FYB2: variants seen among roughly 807,000 people sequenced by gnomAD.
FYB2 encodes the protein FYN-binding protein 2.
In FYB2, 103 loss-of-function variants were observed where a neutral mutation model predicts 94.1. The observed-to-expected ratio is 1.09, with a 90% CI of 0.93 to 1.29. The LOEUF is 1.29. Among genes scored for constraint, FYB2 ranks in the 50% most tolerant of loss-of-function variants. The pLI, the probability that FYB2 is intolerant of heterozygous loss-of-function variation, is 0.00. For synonymous variants in FYB2, 293 were observed against 287.9 expected (o/e 1.02, Z -0.18); for missense variants, 896 against 841.5 (o/e 1.06, Z -0.80).
At chr1:56,732,296 G>T (rs1206772252) in intron 15 of FYB2, among the ~76,000 whole-genome samples, 1 of 152,000 alleles carries the variant, frequency 6.6e-6, no homozygotes, top group East Asian at 1.9e-4. Flanking sequence ...CTTCTACAAA[G>T]AAAATGACAC....
intron 4 of FYB2, among the ~76,000 whole-genome samples, chr1:56,782,643 AT>A (rs1240777949): frequency 9.9e-5 from 15 of 152,164 alleles, no homozygotes; most frequent in African/African-American, 3.4e-4. Context: ...TCAGCTTTTA[AT>A]AAAAGCTGAT....
chr1:56,759,836 A>T (rs1460540741), intron 5 of FYB2, among the ~76,000 whole-genome samples: 1 of 152,134 alleles, frequency 6.6e-6, no homozygotes, highest in African/African-American at 2.4e-5. Context: ...TAATCCCAGC[A>T]CTTAGGGAGG....
chr1:56,796,855 C>T (rs958059673), intron 1 of FYB2, among the ~76,000 whole-genome samples: 2 of 152,128 alleles, frequency 1.3e-5, no homozygotes, highest in African/African-American at 4.8e-5. Context: ...CATTCCTGCT[C>T]GTTCAAAATT....
At chr1:56,781,581 A>C (rs961585163) in intron 4 of FYB2, among the ~76,000 whole-genome samples, 1 of 152,180 alleles carries the variant, frequency 6.6e-6, no homozygotes, top group Admixed American at 6.5e-5. Flanking sequence ...GTGTGTTGCT[A>C]GTTTTACAGT....
rs1466551827 is a variant in FYB2 at position 56,767,941 on chromosome 1, G to A, written c.954-3C>T. 1 of 1,557,066 alleles carries A rather than the reference G, an allele frequency of 6.4e-7. No individual in the cohort carries two copies. Among genetic ancestry groups the A allele is most frequent in the African/African-American group, 1.4e-5 (1 of 71,996 alleles). ...CTTCAAATTCTGCATTGAAAAGCCT[G>A]GAGAAAAAAGGGTTACTTAAAATGT... On this transcript the variant is annotated splice_polypyrimidine_tract_variant and splice_region_variant and intron_variant, in intron 4 of 19. Transcript: ENST00000343433.
chr1:56,813,912 C>T (rs1646823527), intron 1 of FYB2, among the ~76,000 whole-genome samples: 2 of 152,118 alleles, frequency 1.3e-5, no homozygotes, highest in Admixed American at 1.3e-4. Context: ...AAATGTAAAC[C>T]AGTCATGCTG....
rs1263900541 is a variant in FYB2, at chr1:56,789,103, A to G, written c.789T>C (p.Leu263=). ...EKQPDVRHHH[L]PKTKPLPSID... is the part of the protein sequence containing the mutation. ...TGGAGGGCAATGGCTTTGTTTTGGG[A>G]AGGTGGTGATGCCTGACATCTGGCT... The change falls in exon 3 of 20, where the codon CTT becomes CTC. Residue 263 remains leucine, a synonymous_variant. Coordinates refer to ENST00000343433, the MANE Select transcript of FYB2 (RefSeq NM_001004303.5). 3 of 1,606,190 alleles carry G rather than the reference A, an allele frequency of 1.9e-6. No individual in the cohort carries two copies. Among genetic ancestry groups the G allele is most frequent in the Non-Finnish European group, 2.6e-6 (3 of 1,176,270 alleles).
At chr1:56,756,026 G>A (rs1316454328) in intron 6 of FYB2, 99 bp from the exon 7 acceptor site, 32 of 1,167,002 alleles carry the variant, frequency 2.7e-5, no homozygotes, top group South Asian at 1.3e-5. Context: ...AAAGGTGAGG[G>A]GGATGAAGCC....
intron 15 of FYB2, among the ~76,000 whole-genome samples, chr1:56,734,498 TC>T (rs1200904877): frequency 2.0e-5 from 3 of 152,226 alleles, no homozygotes; most frequent in African/African-American, 7.2e-5. Flanking sequence ...AAGGATGAGT[TC>T]ATGTCCTTTG....
chr1:56,771,771 T>G (rs1370418004), intron 4 of FYB2, among the ~76,000 whole-genome samples: 1 of 152,174 alleles, frequency 6.6e-6, no homozygotes, highest in African/African-American at 2.4e-5. Context: ...GTAGTCTTCC[T>G]GATTTTTCAT....
intron 5 of FYB2, among the ~76,000 whole-genome samples, chr1:56,765,272 C>T (rs1290079577): frequency 2.0e-5 from 3 of 152,298 alleles, no homozygotes; most frequent in East Asian, 1.9e-4. Flanking sequence ...ATCCTTTCTA[C>T]TAGGTCTCCT....
chr1:56,764,230 A>G (rs922726275), intron 5 of FYB2, among the ~76,000 whole-genome samples: 13 of 152,168 alleles, frequency 8.5e-5, no homozygotes, highest in Non-Finnish European at 1.0e-4. Context: ...CTGGGATTAC[A>G]GGTGTGAGGC....
intron 13 of FYB2, 38 bp from the exon 14 acceptor site, chr1:56,738,691 A>T (rs1644884809): frequency 1.9e-6 from 3 of 1,600,332 alleles, no homozygotes. Context: ...GTTAAGGAAA[A>T]AAACCATGTT....
In FYB2 at chr1:56,789,016, G is replaced by A. The variant is rs747504031; in HGVS notation, c.876C>T (p.Ala292=). Residue 292 remains alanine (A), a synonymous_variant, in exon 3 of 20, where the codon GCC becomes GCT. Coordinates refer to ENST00000343433, the MANE Select transcript of FYB2 (RefSeq NM_001004303.5). ...GAACAGCAGCTGGCTGCCTCTGAAA[G>A]GCCTGGAGGTTCACGATGGGAGGTC... is the stretch of plus-strand genomic sequence containing the variant. The part of the protein sequence containing the change: ...PSRPPIVNLQ[A]FQRQPAAVPK... 2.5e-6 allele frequency: 4 copies of A among 1,613,994 alleles called. No homozygotes were observed. Among genetic ancestry groups the A allele is most frequent in the Non-Finnish European group, 3.4e-6 (4 of 1,179,990 alleles).
chr1:56,777,938 A>G (rs555912654), intron 4 of FYB2, among the ~76,000 whole-genome samples: 1 of 152,242 alleles, frequency 6.6e-6, no homozygotes, highest in East Asian at 1.9e-4. Context: ...GACTTTCCAG[A>G]GGCATCCTAT....
intron 15 of FYB2, 72 bp from the exon 16 acceptor site, chr1:56,726,655 T>A: frequency 8.2e-7 from 1 of 1,223,192 alleles, no homozygotes; most frequent in Non-Finnish European, 1.2e-6. Flanking sequence ...CAACACTTCA[T>A]GGGCAATTAT....
chr1:56,730,526 G>A (rs1397082265), intron 15 of FYB2, among the ~76,000 whole-genome samples: 2 of 151,812 alleles, frequency 1.3e-5, no homozygotes, highest in Non-Finnish European at 2.9e-5. Context: ...CTAACAAATG[G>A]GAAAACCTGG....
chr1:56,749,889 T>C (rs1255761218), intron 9 of FYB2, among the ~76,000 whole-genome samples: 1 of 152,076 alleles, frequency 6.6e-6, no homozygotes, highest in Non-Finnish European at 1.5e-5. Context: ...CTTTTCTTTA[T>C]AAATCAGTTC....
At chr1:56,763,954 T>A (rs1292725351) in intron 5 of FYB2, among the ~76,000 whole-genome samples, 1 of 135,684 alleles carries the variant, frequency 7.4e-6, no homozygotes, top group Non-Finnish European at 1.5e-5. Context: ...ATTATGTCTA[T>A]TTTTTTTTTT....
Sources: allele counts gnomAD v4.1 joint callset (sites outside exome capture counted in the v4.1 genomes callset), GRCh38; gene constraint gnomAD v4.1.1; transcripts MANE v1.5; gene names NCBI Gene and HGNC (gene_info 2026-07-23, HGNC 2026-07-21).